Variants in HSD17B4 observed in about 807,000 individuals in gnomAD.
HSD17B4 encodes the protein hydroxysteroid 17-beta dehydrogenase 4.
A neutral mutation model predicts 101.0 loss-of-function variants in HSD17B4; 70 were observed. The observed-to-expected ratio is 0.69, with a 90% CI of 0.57 to 0.85. The LOEUF (loss-of-function observed/expected upper bound fraction) is 0.85. Among genes scored for constraint, HSD17B4 ranks in the 40% least tolerant of loss-of-function variants. The probability of loss-of-function intolerance (pLI) is 0.00; values close to 1 mark genes in which losing one functional copy is unlikely to be tolerated. For missense variants in HSD17B4, 984 were observed against 892.4 expected, an observed-to-expected ratio of 1.10 and a Z score of -1.31; for synonymous variants, 347 against 297.1, an observed-to-expected ratio of 1.17 and a Z score of -1.73.
chr5:119,536,658 C>A (rs1384459806), intron 23 of HSD17B4, 108 bp downstream of exon 23: 11 of 1,027,692 alleles, frequency 1.1e-5, no homozygotes, highest in Non-Finnish European at 1.5e-5. Context: ...AGGTTTCTTA[C>A]AACTCTGAAG....
In HSD17B4 at chr5:119,474,422, A is replaced by T. The variant is rs986960425; in HGVS notation, c.242A>T (p.Lys81Met). 2 of 1,610,724 alleles carry T rather than the reference A, an allele frequency of 1.2e-6. No individual in the cohort carries two copies. Among genetic ancestry groups the T allele is most frequent in the Non-Finnish European group, 1.7e-6 (2 of 1,177,106 alleles). Residue 81 changes from lysine (K) to methionine (M), a missense_variant, in exon 4 of 24, where the codon AAG becomes ATG. Transcript: ENST00000510025. ...ANYDSVEEGE[K>M]VVKTALDAFG... Reference sequence around the variant, plus strand: ...TCAGATTCAGTGGAAGAAGGAGAGAAGGTTGTGAAGACAGCCCTGGATGCT... The same window carrying T: ...TCAGATTCAGTGGAAGAAGGAGAGATGGTTGTGAAGACAGCCCTGGATGCT...
chr5:119,478,003 T>C, intron 7 of HSD17B4: 1 of 170,486 alleles, frequency 5.9e-6, no homozygotes, highest in Non-Finnish European at 1.3e-5. Context: ...TCTTCCTGCC[T>C]TAGTTTCTGG....
At chr5:119,536,351 T>G (rs1263923286) in intron 22 of HSD17B4, 72 bp from the exon 23 acceptor site, 1 of 1,335,140 alleles carries the variant, frequency 7.5e-7, no homozygotes, top group Non-Finnish European at 1.1e-6. Context: ...GTCTGCATTT[T>G]ACTTGGTTTA....
chr5:119,513,593 A>G (rs1373160590), intron 16 of HSD17B4, among the ~76,000 whole-genome samples: 1 of 152,200 alleles, frequency 6.6e-6, no homozygotes, highest in Non-Finnish European at 1.5e-5. Context: ...CATGTTGGCC[A>G]GGCTGGTCTC....
intron 16 of HSD17B4, 127 bp from the exon 17 acceptor site, chr5:119,514,854 T>C: frequency 1.5e-6 from 1 of 679,554 alleles, no homozygotes; most frequent in Admixed American, 2.3e-5. Context: ...TGATTTTTTT[T>C]AAACCCTTTT....
At chr5:119,474,050 C>T (rs1417020883) in intron 3 of HSD17B4, 35 bp downstream of exon 3, 1 of 1,044,272 alleles carries the variant, frequency 9.6e-7, no homozygotes, top group South Asian at 1.3e-5. Flanking sequence ...TATTTATTTT[C>T]CTTCAACTAA....
At chr5:119,474,243 G>T (rs1360818902) in intron 3 of HSD17B4, among the ~76,000 whole-genome samples, 158 bp from the exon 4 acceptor site, 1 of 152,122 alleles carries the variant, frequency 6.6e-6, no homozygotes, top group African/African-American at 2.4e-5. Flanking sequence ...TTTTATTAGT[G>T]AGCACATGAT....
In HSD17B4 at chr5:119,537,972, T is replaced by C. The variant is rs149026890; in HGVS notation, c.2121+1422T>C. The stretch of plus-strand genomic sequence containing the variant: ...CAGAGATTTGAACAGAGTATCAGAA[T>C]GAGTCATCAGACTAAGGAAACAACT... On this transcript the variant is annotated intron_variant, in intron 23 of 23. Coordinates refer to ENST00000510025, the MANE Select transcript of HSD17B4 (RefSeq NM_000414.4). 1.6e-4 allele frequency among the ~76,000 whole-genome samples: 25 copies of C among 152,260 alleles called. No homozygotes were observed. In the East Asian group the frequency reaches 4.6e-3, roughly 28 times the overall value.
In HSD17B4 at chr5:119,499,345, C is replaced by T; in HGVS notation, c.1001C>T (p.Pro334Leu). 1.2e-6 allele frequency: 2 copies of T among 1,613,374 alleles called. No individual in the cohort carries two copies. Among genetic ancestry groups the T allele is most frequent in the Non-Finnish European group, 1.7e-6 (2 of 1,179,406 alleles). ...FAGAIGQKLP[P>L]FSYAYTELEA... ...GGAGCTATTGGCCAGAAACTCCCTC[C>T]ATTTTCTTATGCTTATACGGAACTG... is the stretch of plus-strand genomic sequence containing the variant. Residue 334 changes from proline to leucine, a missense_variant, in exon 13 of 24, where the codon CCA becomes CTA. Coordinates refer to ENST00000510025, the MANE Select transcript of HSD17B4 (RefSeq NM_000414.4).
rs768407487 is a variant in HSD17B4, at chr5:119,452,653, A to G, written c.58+20A>G. The G allele has an allele frequency of 6.2e-7, 1 of 1,613,496 alleles. No individual in the cohort carries two copies. The highest frequency in any genetic ancestry group is 1.1e-5 in the South Asian group (1 of 91,044). On this transcript the variant is annotated intron_variant, in intron 1 of 23. Coordinates refer to ENST00000510025, the MANE Select transcript of HSD17B4 (RefSeq NM_000414.4). ...GGGCAGGTGAGCATGCGAAGGTTGG[A>G]GGCCGCGCCCCTTGCTGAGGCGCAG... is the stretch of plus-strand genomic sequence containing the variant.
At chr5:119,497,389 A>G (rs1490319803) in intron 12 of HSD17B4, among the ~76,000 whole-genome samples, 2 of 152,210 alleles carry the variant, frequency 1.3e-5, no homozygotes, top group Non-Finnish European at 2.9e-5. Flanking sequence ...TAGTCCAGAT[A>G]TGTATGCCTG....
intron 12 of HSD17B4, among the ~76,000 whole-genome samples, chr5:119,498,747 G>A (rs1010966127): frequency 1.3e-5 from 2 of 152,092 alleles, no homozygotes; most frequent in African/African-American, 4.8e-5. Flanking sequence ...AGGCATGGTG[G>A]CACGGGCCTG....
chr5:119,517,157 G>A (rs542024244), intron 17 of HSD17B4, among the ~76,000 whole-genome samples: 1 of 152,242 alleles, frequency 6.6e-6, no homozygotes, highest in African/African-American at 2.4e-5. Flanking sequence ...AGGCCAGCTT[G>A]AGTTCTGGGT....
intron 2 of HSD17B4, among the ~76,000 whole-genome samples, chr5:119,468,680 T>C (rs181192838): frequency 5.3e-4 from 80 of 152,284 alleles, no homozygotes; most frequent in African/African-American, 1.9e-3. Flanking sequence ...TTGGGAGTTT[T>C]CAGCTAAAAT....
chr5:119,541,935 G>A lies in HSD17B4; in HGVS notation c.2152G>A (p.Gly718Arg). The A allele has an allele frequency of 6.2e-7, 1 of 1,613,170 alleles. No homozygotes were observed. The highest frequency in any genetic ancestry group is 1.3e-5 in the African/African-American group (1 of 74,960). ...CTTTAGTGGCAGGCTGAAGGCCAGAGGGAACATCATGCTGAGCCAGAAACT... is the reference window on the plus strand; with the variant it reads ...CTTTAGTGGCAGGCTGAAGGCCAGAAGGAACATCATGCTGAGCCAGAAACT... ...AFFSGRLKAR[G>R]NIMLSQKLQM... is the part of the protein sequence containing the mutation. Residue 718 changes from glycine (G) to arginine (R), a missense_variant, in exon 24 of 24, where the codon GGG (glycine) becomes AGG (arginine). Physicochemically the swap from Gly to Arg is moderately radical, Grantham distance 125 (BLOSUM62 -2). Coordinates refer to ENST00000510025, the MANE Select transcript of HSD17B4 (RefSeq NM_000414.4).
At chr5:119,518,524 A>G (rs770741325) in intron 17 of HSD17B4, among the ~76,000 whole-genome samples, 1 of 152,142 alleles carries the variant, frequency 6.6e-6, no homozygotes, top group Non-Finnish European at 1.5e-5. Flanking sequence ...CTCTCCGGAT[A>G]TGTAGGGCTT....
chr5:119,476,092 A>C (rs976597730), intron 6 of HSD17B4, among the ~76,000 whole-genome samples: 1 of 152,204 alleles, frequency 6.6e-6, no homozygotes, highest in African/African-American at 2.4e-5. Context: ...TGTTTAGAAG[A>C]TATCTAAAAG....
In HSD17B4 at chr5:119,477,417, A is replaced by T. The variant is rs1447689394; in HGVS notation, c.350A>T (p.Asp117Val). ...SFARISDEDW[D>V]IIHRVHLRGS... ...TAATAAAAATAATTTATTGTTTTAGATATAATCCACAGAGTTCATTTGCGG... is the reference window on the plus strand; with the variant it reads ...TAATAAAAATAATTTATTGTTTTAGTTATAATCCACAGAGTTCATTTGCGG... Residue 117 changes from aspartate to valine, a missense_variant and splice_region_variant, in exon 7 of 24, where the codon GAT becomes GTT. Asp to Val is a radical substitution (Grantham distance 152). Transcript: ENST00000510025. 6 of 1,596,286 alleles carry T rather than the reference A, an allele frequency of 3.8e-6. No homozygotes were observed. In the East Asian group the frequency reaches 1.3e-4, roughly 36 times the overall value.
chr5:119,460,692 G>A lies in HSD17B4; in HGVS notation c.112+4324G>A, dbSNP rs1029543382. Among the ~76,000 whole-genome samples the A allele has an allele frequency of 1.0e-3, 158 of 152,308 alleles. 1 individual carries two copies. The highest frequency in any genetic ancestry group is 3.8e-3 in the African/African-American group (158 of 41,566). ...GTTCTAGATGCCAGAGGAATATAGTGGGAATAAAACAGAGTCCCTACTTTC... is the reference window on the plus strand; with the variant it reads ...GTTCTAGATGCCAGAGGAATATAGTAGGAATAAAACAGAGTCCCTACTTTC... On this transcript the variant is annotated intron_variant, in intron 2 of 23. Coordinates refer to ENST00000510025, the MANE Select transcript of HSD17B4 (RefSeq NM_000414.4).
Sources: allele counts gnomAD v4.1 joint callset (sites outside exome capture counted in the v4.1 genomes callset), GRCh38; gene constraint gnomAD v4.1.1; transcripts MANE v1.5; gene names NCBI Gene and HGNC (gene_info 2026-07-23, HGNC 2026-07-21).